The following MYO3B variants were observed in gnomAD, a reference collection of about 807,000 sequenced individuals.
MYO3B encodes the protein myosin-IIIb.
MYO3B carries 156 observed loss-of-function variants against 174.6 expected under a neutral mutation model. The ratio of observed to expected loss-of-function variants is 0.89; its 90% CI spans 0.78 to 1.02. The LOEUF (loss-of-function observed/expected upper bound fraction) is 1.02. Among genes scored for constraint, MYO3B ranks in the 50% least tolerant of loss-of-function variants. The probability of loss-of-function intolerance (pLI) is 0.00; values close to 1 mark genes in which losing one functional copy is unlikely to be tolerated. For synonymous variants in MYO3B, 563 were observed against 569.1 expected, an observed-to-expected ratio of 0.99 and a Z score of 0.15; for missense variants, 1,632 against 1,639.4, an observed-to-expected ratio of 1.00 and a Z score of 0.08.
chr2:170,524,161 T>A (rs1377911897), intron 30 of MYO3B, among the ~76,000 whole-genome samples: 1 of 152,208 alleles, frequency 6.6e-6, no homozygotes, highest in African/African-American at 2.4e-5. Context: ...ATGCCAGTTT[T>A]TTTTCCCCCC....
Position 170,392,492 on chromosome 2 carries a change from C to A in MYO3B, c.1788C>A (p.Asp596Glu). 6.5e-7 allele frequency: 1 copy of A among 1,538,798 alleles called. No individual in the cohort carries two copies. Among genetic ancestry groups the A allele is most frequent in the Non-Finnish European group, 8.8e-7 (1 of 1,132,148 alleles). ...GCTTCAGGATTATAGGGTTCACGGA[C>A]AAAGTAAGTGATGATCAAGAGAGGA... ...QHCFRIIGFTDKEVHSVYRIL... is the reference protein window; with the variant it reads ...QHCFRIIGFTEKEVHSVYRIL... Residue 596 changes from aspartate to glutamate, a missense_variant, in exon 16 of 35, where the codon GAC becomes GAA. By Grantham distance (45) the Asp-to-Glu change is conservative. Coordinates refer to ENST00000408978, the MANE Select transcript of MYO3B (RefSeq NM_138995.5).
intron 19 of MYO3B, 41 bp downstream of exon 19, chr2:170,403,036 A>C (rs1463451108): frequency 6.5e-7 from 1 of 1,533,876 alleles, no homozygotes; most frequent in East Asian, 2.3e-5. Context: ...GATGGGGAAA[A>C]GGTGTCTCCA....
chr2:170,519,248 A>G (rs1386220039), intron 29 of MYO3B, among the ~76,000 whole-genome samples, 190 bp from the exon 30 acceptor site: 1 of 152,184 alleles, frequency 6.6e-6, no homozygotes, highest in Non-Finnish European at 1.5e-5. Flanking sequence ...GACTGAGACC[A>G]AGCATGGAAC....
At chr2:170,522,150 G>A (rs962806308) in intron 30 of MYO3B, among the ~76,000 whole-genome samples, 1 of 152,132 alleles carries the variant, frequency 6.6e-6, no homozygotes, top group Non-Finnish European at 1.5e-5. Flanking sequence ...CACCCTGGAT[G>A]ATACCATCTC....
At chr2:170,648,726 A>ATAT (rs1698594952) in intron 32 of MYO3B, among the ~76,000 whole-genome samples, 1 of 29,386 alleles carries the variant, frequency 3.4e-5, no homozygotes, top group Non-Finnish European at 1.0e-4. Context: ...TAATATGTAA[A>ATAT]ATATATATTA....
At chr2:170,301,453 A>G (rs1416831687) in intron 7 of MYO3B, among the ~76,000 whole-genome samples, 4 of 152,176 alleles carry the variant, frequency 2.6e-5, no homozygotes, top group African/African-American at 9.6e-5. Context: ...CTATTTTTAT[A>G]CATTTCTGGG....
intron 32 of MYO3B, among the ~76,000 whole-genome samples, chr2:170,570,539 G>A (rs1250764860): frequency 6.6e-6 from 1 of 152,162 alleles, no homozygotes; most frequent in East Asian, 1.9e-4. Context: ...ATGCAACCCA[G>A]GCTCTTTTCA....
chr2:170,358,115 G>A (rs1439744995), intron 8 of MYO3B, among the ~76,000 whole-genome samples: 17 of 151,134 alleles, frequency 1.1e-4, no homozygotes, highest in Admixed American at 1.1e-3. Flanking sequence ...TCGCACCATT[G>A]CACTCCAGCC....
chr2:170,243,014 AG>A, intron 7 of MYO3B, among the ~76,000 whole-genome samples: 1 of 152,306 alleles, frequency 6.6e-6, no homozygotes, highest in South Asian at 2.1e-4. Context: ...GTCTAAAGGA[AG>A]GTTCTTCACA....
intron 6 of MYO3B, among the ~76,000 whole-genome samples, chr2:170,224,126 T>A (rs2092928099): frequency 6.6e-6 from 1 of 152,218 alleles, no homozygotes; most frequent in Non-Finnish European, 1.5e-5. Context: ...AGCAGAGGCA[T>A]AGTGGGAAGG....
intron 7 of MYO3B, among the ~76,000 whole-genome samples, chr2:170,237,501 A>C (rs1228734754): frequency 6.7e-6 from 1 of 148,934 alleles, no homozygotes; most frequent in Non-Finnish European, 1.5e-5. Context: ...TAAGGTGATA[A>C]ATGTGAGGCA....
intron 32 of MYO3B, among the ~76,000 whole-genome samples, chr2:170,627,968 G>C (rs1432104158): frequency 2.3e-4 from 35 of 152,206 alleles, no homozygotes; most frequent in Admixed American, 2.3e-3. Context: ...CTACTGGGGG[G>C]TGCCTCCCAG....
At chr2:170,375,321 T>C (rs1171221800) in intron 9 of MYO3B, among the ~76,000 whole-genome samples, 2 of 152,018 alleles carry the variant, frequency 1.3e-5, no homozygotes, top group Non-Finnish European at 2.9e-5. Flanking sequence ...GGAATGTGAG[T>C]GGAGGCAGGG....
At chr2:170,490,028 C>CTTTTTTT (rs751661221) in intron 25 of MYO3B, among the ~76,000 whole-genome samples, 2 of 145,888 alleles carry the variant, frequency 1.4e-5, no homozygotes, top group African/African-American at 5.2e-5. Context: ...AGTTTCTTTT[C>CTTTTTTT]TTTCTTTTTT....
At chr2:170,179,289 G>A (rs2105293812) in intron 1 of MYO3B, among the ~76,000 whole-genome samples, 1 of 152,258 alleles carries the variant, frequency 6.6e-6, no homozygotes, top group East Asian at 1.9e-4. Flanking sequence ...ATTAGGAAAG[G>A]CCTCCTAGAA....
chr2:170,401,028 G>A (rs60456258), intron 17 of MYO3B, among the ~76,000 whole-genome samples: 9,460 of 152,104 alleles, frequency 0.062, 639 homozygotes, highest in East Asian at 0.24. Context: ...GAAAGCAGGC[G>A]CCTATTTATT....
At chr2:170,274,019 A>G (rs760708099) in intron 7 of MYO3B, among the ~76,000 whole-genome samples, 3 of 152,108 alleles carry the variant, frequency 2.0e-5, no homozygotes, top group Non-Finnish European at 4.4e-5. Flanking sequence ...TATGAGCTGA[A>G]AAGTTGGAAA....
intron 7 of MYO3B, 113 bp from the exon 8 acceptor site, chr2:170,335,272 G>T (rs528658082): frequency 5.8e-5 from 47 of 816,820 alleles, no homozygotes; most frequent in South Asian, 8.8e-5. Context: ...TCTCATATGA[G>T]AACAAACAGA....
chr2:170,577,609 A>T (rs563784492), intron 32 of MYO3B, among the ~76,000 whole-genome samples: 2 of 152,266 alleles, frequency 1.3e-5, no homozygotes, highest in South Asian at 4.1e-4. Flanking sequence ...TTACAAGAAT[A>T]TGAATTCCTC....
Sources: gnomAD v4.1 joint callset for allele counts (sites outside exome capture counted in the v4.1 genomes callset) on GRCh38, gnomAD v4.1.1 for gene constraint, MANE v1.5 for transcripts, NCBI Gene and HGNC (gene_info 2026-07-23, HGNC 2026-07-21) for gene names.